CFAP299: variants seen among roughly 807,000 people sequenced by gnomAD.
CFAP299 encodes the protein cilia and flagella associated protein 299.
Under a neutral mutation model 27.0 loss-of-function variants are expected in CFAP299, and 21 were observed. The ratio of observed to expected loss-of-function variants is 0.78; its 90% CI spans 0.55 to 1.12. CFAP299 has a LOEUF of 1.12. Among genes scored for constraint, CFAP299 ranks in the 50% most tolerant of loss-of-function variants. The pLI, the probability that CFAP299 is intolerant of heterozygous loss-of-function variation, is 0.00. For missense variants in CFAP299, 310 were observed against 276.6 expected (o/e 1.12, Z -0.86); for synonymous variants, 104 against 98.1 (o/e 1.06, Z -0.36).
Position 80,637,714 on chromosome 4 carries a change from C to T in CFAP299, c.333+54531C>T, listed in dbSNP as rs149082902. Among the ~76,000 whole-genome samples the T allele has an allele frequency of 3.3e-5, 5 of 152,216 alleles. No homozygotes were observed. In the East Asian group the frequency reaches 9.7e-4, roughly 29 times the overall value. ...TCCATAGAAAAGGACCTAACAGAAA[C>T]ACTAGAACAAACCTATTAGATGACT... On this transcript the variant is annotated intron_variant, in intron 3 of 5. Coordinates refer to ENST00000358105, the MANE Select transcript of CFAP299 (RefSeq NM_152770.3).
chr4:80,386,706 C>T (rs1725026307), intron 2 of CFAP299: 10 of 1,574,852 alleles, frequency 6.3e-6, no homozygotes, highest in African/African-American at 4.0e-5. Flanking sequence ...CTGCACAGGG[C>T]GCATTTGTGG....
At chr4:80,502,374 T>C (rs1174344704) in intron 2 of CFAP299, among the ~76,000 whole-genome samples, 3 of 152,072 alleles carry the variant, frequency 2.0e-5, no homozygotes, top group Admixed American at 6.6e-5. Context: ...AGCAAGTCAA[T>C]TTTAAAGTTA....
intron 3 of CFAP299, among the ~76,000 whole-genome samples, chr4:80,857,600 G>T (rs1488758534): frequency 6.6e-6 from 1 of 152,186 alleles, no homozygotes; most frequent in African/African-American, 2.4e-5. Flanking sequence ...AATTAATTGA[G>T]AGTTTTTAGC....
chr4:80,612,424 G>C (rs1314958997), intron 3 of CFAP299, among the ~76,000 whole-genome samples: 1 of 151,910 alleles, frequency 6.6e-6, no homozygotes, highest in Non-Finnish European at 1.5e-5. Flanking sequence ...TATCAAATGG[G>C]TTCTGACATA....
intron 4 of CFAP299, among the ~76,000 whole-genome samples, chr4:80,904,675 T>C (rs1002098880): frequency 2.0e-5 from 3 of 152,156 alleles, no homozygotes; most frequent in Non-Finnish European, 4.4e-5. Context: ...GTCAACCAGC[T>C]TCAAGGAAGA....
chr4:80,935,441 G>A (rs767016327), intron 4 of CFAP299, among the ~76,000 whole-genome samples: 2 of 150,480 alleles, frequency 1.3e-5, no homozygotes, highest in Non-Finnish European at 3.0e-5. Flanking sequence ...TGACAAATAT[G>A]ATTTTTTTTA....
intron 2 of CFAP299, among the ~76,000 whole-genome samples, chr4:80,578,828 T>C (rs537029249): frequency 1.3e-5 from 2 of 152,320 alleles, no homozygotes; most frequent in East Asian, 3.9e-4. Context: ...TGTGCTATTA[T>C]TTAATAGACT....
intron 4 of CFAP299, among the ~76,000 whole-genome samples, chr4:80,903,308 C>A (rs1249877222): frequency 6.6e-6 from 1 of 151,758 alleles, no homozygotes; most frequent in African/African-American, 2.4e-5. Context: ...GCCTAAAATT[C>A]CAGATAAATT....
intron 5 of CFAP299, 77 bp from the exon 6 acceptor site, chr4:80,963,440 A>C: frequency 1.2e-6 from 1 of 830,632 alleles, no homozygotes; most frequent in East Asian, 3.1e-5. Flanking sequence ...ATATAAAGCA[A>C]AAAAATAAAA....
intron 4 of CFAP299, among the ~76,000 whole-genome samples, chr4:80,918,534 G>A (rs919357274): frequency 2.6e-4 from 40 of 152,118 alleles, no homozygotes; most frequent in African/African-American, 9.4e-4. Flanking sequence ...TACAGAGAGA[G>A]AGAGAAAGAG....
At chr4:80,870,775 C>T in intron 4 of CFAP299, 1 of 985,378 alleles carries the variant, frequency 1.0e-6, no homozygotes, top group South Asian at 4.7e-5. Context: ...CAGCATTATG[C>T]TTTAACTCTC....
intron 3 of CFAP299, among the ~76,000 whole-genome samples, chr4:80,596,693 A>T (rs554110564): frequency 1.3e-5 from 2 of 152,272 alleles, no homozygotes; most frequent in South Asian, 4.1e-4. Context: ...ATCACTACCC[A>T]GAATAAGAAA....
intron 3 of CFAP299, among the ~76,000 whole-genome samples, chr4:80,590,842 G>A (rs1405726459): frequency 2.6e-5 from 4 of 152,090 alleles, no homozygotes; most frequent in Admixed American, 1.3e-4. Context: ...GTAGGAGGAG[G>A]TTGGAAAAGA....
At chr4:80,470,586 C>T (rs1026894111) in intron 2 of CFAP299, among the ~76,000 whole-genome samples, 3 of 152,062 alleles carry the variant, frequency 2.0e-5, no homozygotes, top group African/African-American at 4.8e-5. Context: ...TTATTTTCTT[C>T]GACTTCAATT....
intron 3 of CFAP299, among the ~76,000 whole-genome samples, chr4:80,747,877 C>T (rs1405875948): frequency 6.6e-6 from 1 of 151,936 alleles, no homozygotes; most frequent in African/African-American, 2.4e-5. Context: ...GATGACTTAC[C>T]TATTTATACT....
chr4:80,956,782 A>C (rs1281055699), intron 5 of CFAP299, among the ~76,000 whole-genome samples: 1 of 151,966 alleles, frequency 6.6e-6, no homozygotes, highest in African/African-American at 2.4e-5. Flanking sequence ...CTGTCTACCT[A>C]CTTTCCTGTA....
intron 3 of CFAP299, among the ~76,000 whole-genome samples, chr4:80,844,383 G>A (rs1311855638): frequency 6.6e-6 from 1 of 152,120 alleles, no homozygotes; most frequent in Non-Finnish European, 1.5e-5. Flanking sequence ...GTGTAAAAGT[G>A]TTCCTATTTT....
At chr4:80,928,980 G>A (rs1307908784) in intron 4 of CFAP299, among the ~76,000 whole-genome samples, 1 of 152,108 alleles carries the variant, frequency 6.6e-6, no homozygotes, top group East Asian at 1.9e-4. Flanking sequence ...CAATGATGAT[G>A]TTCCATAAAG....
At position 80,941,386 on chromosome 4, in the gene CFAP299, C is replaced by T. The variant is rs541985133; in HGVS notation, c.477-3424C>T. On this transcript the variant is annotated intron_variant, in intron 4 of 5. Transcript: ENST00000358105. ...AAACACTGTGCCAGACCACTGTTTC[C>T]CAAGAACATGTTTGATTTTGTAGAA... Among the ~76,000 whole-genome samples, 4 of 152,126 alleles carry T rather than the reference C, an allele frequency of 2.6e-5. 1 individual carries two copies. The South Asian group carries it at 8.3e-4, about 32-fold the overall frequency.
Sources: gnomAD v4.1 joint callset for allele counts (sites outside exome capture counted in the v4.1 genomes callset) on GRCh38, gnomAD v4.1.1 for gene constraint, MANE v1.5 for transcripts, NCBI Gene and HGNC (gene_info 2026-07-23, HGNC 2026-07-21) for gene names.